The following SQOR variants were observed in gnomAD, a reference collection of about 807,000 sequenced individuals.
SQOR encodes sulfide quinone oxidoreductase.
A neutral mutation model predicts 48.6 loss-of-function variants in SQOR; 39 were observed. The observed-to-expected ratio is 0.80, with a 90% CI of 0.62 to 1.05. The LOEUF (loss-of-function observed/expected upper bound fraction) is 1.05, where lower values mean the gene tolerates loss of function less well. Among genes scored for constraint, SQOR ranks in the 50% least tolerant of loss-of-function variants. The pLI, the probability that SQOR is intolerant of heterozygous loss-of-function variation, is 0.00. For missense variants in SQOR, 561 were observed against 559.9 expected, an observed-to-expected ratio of 1.00 and a Z score of -0.02; for synonymous variants, 220 against 206.2, an observed-to-expected ratio of 1.07 and a Z score of -0.57.
At chr15:45,632,899 T>C (rs1331433464), upstream of SQOR, among the ~76,000 whole-genome samples, 1 of 149,052 alleles carries the variant, frequency 6.7e-6, no homozygotes, top group Non-Finnish European at 1.5e-5. Context: ...AGCCCAGGAG[T>C]TCAAGACCAG....
At chr15:45,657,766 A>G (rs1486876566) in intron 1 of SQOR, among the ~76,000 whole-genome samples, 1 of 152,160 alleles carries the variant, frequency 6.6e-6, no homozygotes, top group Non-Finnish European at 1.5e-5. Flanking sequence ...AAATGATATA[A>G]TTAAGTCATT....
upstream of SQOR, among the ~76,000 whole-genome samples, chr15:45,632,485 G>C (rs1894915564): frequency 6.6e-6 from 1 of 151,908 alleles, no homozygotes; most frequent in Admixed American, 6.6e-5. Flanking sequence ...CTCCCAAAGT[G>C]CTAGGATTAC....
chr15:45,645,545 A>G (rs1281471800), intron 1 of SQOR, among the ~76,000 whole-genome samples: 1 of 152,220 alleles, frequency 6.6e-6, no homozygotes, highest in Non-Finnish European at 1.5e-5. Context: ...GTAGAACAAA[A>G]AGGCGAACAC....
intron 1 of SQOR, among the ~76,000 whole-genome samples, chr15:45,644,148 C>T (rs546490224): frequency 3.3e-5 from 5 of 152,004 alleles, no homozygotes; most frequent in South Asian, 2.1e-4. Context: ...AGTGCAGTGA[C>T]GCGATCTCGG....
intron 6 of SQOR, among the ~76,000 whole-genome samples, chr15:45,681,519 G>A (rs112197736): frequency 6.4e-4 from 98 of 152,112 alleles, no homozygotes; most frequent in African/African-American, 2.2e-3. Context: ...GGAGGGCATG[G>A]GAACATTGGA....
At chr15:45,674,315 C>G (rs1566921706) in intron 5 of SQOR, among the ~76,000 whole-genome samples, 1 of 152,084 alleles carries the variant, frequency 6.6e-6, no homozygotes, top group Non-Finnish European at 1.5e-5. Context: ...TGGTGCATGC[C>G]TGTAATTCCA....
rs563818115 is a variant in SQOR, at chr15:45,674,372, G to A, written c.654+571G>A. Among the ~76,000 whole-genome samples, 7 of 152,158 alleles carry A rather than the reference G, an allele frequency of 4.6e-5. No individual in the cohort carries two copies. In the South Asian group the frequency reaches 1.2e-3, roughly 27 times the overall value. ...GGAGAATTGCTCGAACCTGGGAGGC[G>A]GAGGTTGTGGTGAGCCAAGATTGTG... On this transcript the variant is annotated intron_variant, in intron 5 of 9. Coordinates refer to ENST00000260324, the MANE Select transcript of SQOR (RefSeq NM_021199.4).
chr15:45,688,445 T>A lies in SQOR; in HGVS notation c.1116+41T>A, dbSNP rs758094510. 3.6e-6 allele frequency: 5 copies of A among 1,402,984 alleles called. No homozygotes were observed. The East Asian group carries it at 9.3e-5, about 26-fold the overall frequency. 86.9% of individuals were successfully genotyped at this position (1,402,984 alleles called of 1,614,324 possible). A position where few individuals can be genotyped will look rare whatever the true frequency, so the allele number is the denominator to read the frequency against. On this transcript the variant is annotated intron_variant, in intron 8 of 9. Coordinates refer to ENST00000260324, the MANE Select transcript of SQOR (RefSeq NM_021199.4). ...AAGAATCACTGTCTCAATGATCATC[T>A]TCCATTCTGTGTAAAAGTAGTGTTT... is the stretch of plus-strand genomic sequence containing the variant.
At chr15:45,639,494 C>G (rs2140936565) in intron 1 of SQOR, among the ~76,000 whole-genome samples, 1 of 152,352 alleles carries the variant, frequency 6.6e-6, no homozygotes, top group South Asian at 2.1e-4. Flanking sequence ...ACCAGCAGCT[C>G]TGGCCCTAGC....
Position 45,691,120 on chromosome 15 carries a change from C to A in SQOR, c.*90C>A. 8.6e-7 allele frequency: 1 copy of A among 1,166,566 alleles called. No individual in the cohort carries two copies. Among genetic ancestry groups the A allele is most frequent in the Non-Finnish European group, 1.3e-6 (1 of 772,034 alleles). 72.3% of individuals were successfully genotyped at this position (1,166,566 alleles called of 1,614,324 possible). A position where few individuals can be genotyped will look rare whatever the true frequency, so the allele number is the denominator to read the frequency against. ...AAGAGCAGCACGAAGGACTTGGAAC[C>A]TATCCTTGTAAAGAGTTCCTTGATG... is the stretch of plus-strand genomic sequence containing the variant. On this transcript the variant is annotated 3_prime_UTR_variant, in exon 10 of 10. Transcript: ENST00000260324.
chr15:45,635,510 C>A (rs1438379788), intron 1 of SQOR, among the ~76,000 whole-genome samples: 1 of 152,140 alleles, frequency 6.6e-6, no homozygotes, highest in African/African-American at 2.4e-5. Context: ...GGGATTGACA[C>A]AGTCATCCAC....
intron 3 of SQOR, among the ~76,000 whole-genome samples, chr15:45,665,847 G>A (rs765525018): frequency 3.3e-5 from 5 of 152,208 alleles, no homozygotes; most frequent in African/African-American, 1.2e-4. Context: ...GCCTCCCAAA[G>A]TGTTGGGATT....
At chr15:45,652,331 G>GTGATTGAC (rs1566916229) in intron 1 of SQOR, among the ~76,000 whole-genome samples, 1 of 151,140 alleles carries the variant, frequency 6.6e-6, no homozygotes, top group Admixed American at 6.6e-5. Context: ...CTTCCATTGA[G>GTGATTGAC]TGATTGATTG....
Position 45,648,183 on chromosome 15 carries a change from G to GT in SQOR, c.-17-10714dup, listed in dbSNP as rs917863011. On this transcript the variant is annotated intron_variant, in intron 1 of 9. Transcript: ENST00000260324. ...TAGTTTTTTGTTTTTTTGTTTTTTT[G>GT]TTTTTTTTTTGAGACGGAATCTTGC... Among the ~76,000 whole-genome samples the GT allele has an allele frequency of 7.3e-4, 107 of 145,814 alleles. No homozygotes were observed. In the Middle Eastern group the frequency reaches 0.011, roughly 14 times the overall value.
intron 5 of SQOR, among the ~76,000 whole-genome samples, chr15:45,674,762 C>T (rs1329738195): frequency 6.6e-6 from 1 of 152,226 alleles, no homozygotes; most frequent in East Asian, 1.9e-4. Context: ...AGCTCAAGTA[C>T]ACCTGGCTTA....
intron 1 of SQOR, among the ~76,000 whole-genome samples, chr15:45,647,720 A>G (rs1889368386): frequency 2.0e-5 from 3 of 152,090 alleles, no homozygotes; most frequent in Admixed American, 6.5e-5. Flanking sequence ...GTTTGAGACC[A>G]ACCTGGCCAA....
chr15:45,661,625 CATA>C (rs975088157), intron 2 of SQOR, among the ~76,000 whole-genome samples: 1 of 152,142 alleles, frequency 6.6e-6, no homozygotes, highest in African/African-American at 2.4e-5. Context: ...ATGAAGTATC[CATA>C]ATATGTGTGT....
intron 3 of SQOR, among the ~76,000 whole-genome samples, chr15:45,662,996 C>T (rs1889748622): frequency 6.6e-6 from 1 of 152,204 alleles, no homozygotes; most frequent in Non-Finnish European, 1.5e-5. Flanking sequence ...TCCAACCCTT[C>T]CTCCAACAGA....
chr15:45,686,340 C>T lies in SQOR; in HGVS notation c.1049-1997C>T, dbSNP rs1038692650. On this transcript the variant is annotated intron_variant, in intron 7 of 9. Coordinates refer to ENST00000260324, the MANE Select transcript of SQOR (RefSeq NM_021199.4). The stretch of plus-strand genomic sequence containing the variant: ...CTAATTTTCCTATTTTTAGTAGAGA[C>T]GGGGTTTTACCATGTTGGCCAGGCT... 3.3e-5 allele frequency among the ~76,000 whole-genome samples: 5 copies of T among 152,108 alleles called. 2 individuals are homozygous for T. The highest frequency in any genetic ancestry group is 1.2e-4 in the African/African-American group (5 of 41,512).
Sources: allele counts gnomAD v4.1 joint callset (sites outside exome capture counted in the v4.1 genomes callset), GRCh38; gene constraint gnomAD v4.1.1; transcripts MANE v1.5; gene names NCBI Gene and HGNC (gene_info 2026-07-23, HGNC 2026-07-21).